The following HS6ST3 variants were observed in gnomAD, a reference collection of about 807,000 sequenced individuals.
HS6ST3 encodes the protein heparan sulfate 6-O-sulfotransferase 3, also known as heparan-sulfate 6-O-sulfotransferase 3.
A neutral mutation model predicts 36.7 loss-of-function variants in HS6ST3; 12 were observed. The ratio of observed to expected loss-of-function variants is 0.33; its 90% CI spans 0.21 to 0.53. HS6ST3 has a LOEUF of 0.53. Among genes scored for constraint, HS6ST3 ranks in the 20% least tolerant of loss-of-function variants. The pLI is 0.95. For missense variants in HS6ST3, 584 were observed against 640.9 expected (o/e 0.91, Z 0.96); for synonymous variants, 240 against 257.5 (o/e 0.93, Z 0.65).
rs533889518 is a variant in HS6ST3 at position 96,723,497 on chromosome 13, G to A, written c.708-108993G>A. Among the ~76,000 whole-genome samples the A allele has an allele frequency of 5.3e-5, 8 of 152,282 alleles. No individual in the cohort carries two copies. The South Asian group carries it at 1.0e-3, about 20-fold the overall frequency. On this transcript the variant is annotated intron_variant, in intron 1 of 1. Coordinates refer to ENST00000376705, the MANE Select transcript of HS6ST3 (RefSeq NM_153456.4). ...AAACAAAAGTCCATCTTGTTAAGCCGCTGTTATTTAGAGGTGTCCGGTGCC... is the reference window on the plus strand; with the variant it reads ...AAACAAAAGTCCATCTTGTTAAGCCACTGTTATTTAGAGGTGTCCGGTGCC...
intron 1 of HS6ST3, among the ~76,000 whole-genome samples, chr13:96,536,977 T>G (rs959154652): frequency 4.9e-4 from 74 of 152,208 alleles, no homozygotes; most frequent in African/African-American, 1.7e-3. Context: ...CTGCCTTGTG[T>G]AAGATGTAAG....
intron 1 of HS6ST3, among the ~76,000 whole-genome samples, chr13:96,826,895 A>T (rs1228349634): frequency 6.6e-6 from 1 of 152,198 alleles, no homozygotes; most frequent in East Asian, 1.9e-4. Context: ...TTCTCAGTAC[A>T]CAAGTGTTTG....
intron 1 of HS6ST3, among the ~76,000 whole-genome samples, chr13:96,631,940 A>G (rs970404136): frequency 1.8e-4 from 27 of 152,190 alleles, no homozygotes; most frequent in Non-Finnish European, 1.5e-5. Context: ...CTGGAAATCT[A>G]TGCAAGGGTG....
intron 1 of HS6ST3, among the ~76,000 whole-genome samples, chr13:96,548,847 A>G (rs2056207646): frequency 6.6e-6 from 1 of 152,202 alleles, no homozygotes; most frequent in Non-Finnish European, 1.5e-5. Flanking sequence ...AGAGAGGGCA[A>G]TCTGCCTTAC....
intron 1 of HS6ST3, among the ~76,000 whole-genome samples, chr13:96,577,989 T>A (rs2056328012): frequency 6.6e-6 from 1 of 152,122 alleles, no homozygotes. Flanking sequence ...TTTAAGAAAA[T>A]GAATAGAAGA....
chr13:96,227,713 T>A (rs900468694), intron 1 of HS6ST3, among the ~76,000 whole-genome samples: 1 of 152,260 alleles, frequency 6.6e-6, no homozygotes, highest in African/African-American at 2.4e-5. Flanking sequence ...TTTCAACTGC[T>A]GGAAACAAAG....
In HS6ST3 at chr13:96,810,170, C is replaced by G. The variant is rs184533402; in HGVS notation, c.708-22320C>G. Among the ~76,000 whole-genome samples the G allele has an allele frequency of 5.3e-5, 8 of 152,322 alleles. No individual in the cohort carries two copies. The East Asian group carries it at 1.5e-3, about 29-fold the overall frequency. ...CACCCCAGCCTCCCGGGCAGCCTGA[C>G]AGAACTAAGTACAGGGTAATCCTAC... On this transcript the variant is annotated intron_variant, in intron 1 of 1. Coordinates refer to ENST00000376705, the MANE Select transcript of HS6ST3 (RefSeq NM_153456.4).
intron 1 of HS6ST3, among the ~76,000 whole-genome samples, chr13:96,502,039 TTGTA>T (rs536785009): frequency 1.4e-4 from 22 of 152,208 alleles, no homozygotes; most frequent in Non-Finnish European, 2.8e-4. Flanking sequence ...TGTTAAGGCC[TTGTA>T]TGACAGGTAG....
chr13:96,140,841 G>C (rs1338060295), intron 1 of HS6ST3, among the ~76,000 whole-genome samples: 2 of 152,104 alleles, frequency 1.3e-5, no homozygotes, highest in South Asian at 2.1e-4. Flanking sequence ...AGATCATTAC[G>C]TGACAACTTA....
At chr13:96,828,881 A>T (rs192205283) in intron 1 of HS6ST3, among the ~76,000 whole-genome samples, 1 of 152,342 alleles carries the variant, frequency 6.6e-6, no homozygotes, top group Admixed American at 6.5e-5. Flanking sequence ...TCTAAATGGT[A>T]TAGGAAGTGA....
chr13:96,333,243 A>C (rs2055081665), intron 1 of HS6ST3, among the ~76,000 whole-genome samples: 1 of 152,208 alleles, frequency 6.6e-6, no homozygotes, highest in Non-Finnish European at 1.5e-5. Flanking sequence ...GAGAACCATA[A>C]CTGCATATTA....
intron 1 of HS6ST3, among the ~76,000 whole-genome samples, chr13:96,786,454 G>C (rs1877652149): frequency 6.6e-6 from 1 of 152,026 alleles, no homozygotes; most frequent in African/African-American, 2.4e-5. Flanking sequence ...TCTTTCCCCA[G>C]ACCCTGGCAT....
intron 1 of HS6ST3, among the ~76,000 whole-genome samples, chr13:96,677,546 A>G (rs1433510147): frequency 6.6e-6 from 1 of 152,138 alleles, no homozygotes; most frequent in Non-Finnish European, 1.5e-5. Context: ...GTGTGTGTGT[A>G]TATGGATGTT....
chr13:96,480,320 G>A (rs1398082957), intron 1 of HS6ST3, among the ~76,000 whole-genome samples: 5 of 151,998 alleles, frequency 3.3e-5, no homozygotes, highest in Non-Finnish European at 7.4e-5. Flanking sequence ...CACCATGTTG[G>A]CCAGGCTGGT....
intron 1 of HS6ST3, among the ~76,000 whole-genome samples, chr13:96,378,843 C>T (rs1351898827): frequency 6.6e-6 from 1 of 152,172 alleles, no homozygotes; most frequent in Non-Finnish European, 1.5e-5. Context: ...TATGGATTGG[C>T]AGTATCCCTG....
At chr13:96,139,170 G>A (rs928049622) in intron 1 of HS6ST3, among the ~76,000 whole-genome samples, 1 of 152,058 alleles carries the variant, frequency 6.6e-6, no homozygotes, top group Non-Finnish European at 1.5e-5. Context: ...TGATAAAGAA[G>A]CACCGTTTTT....
intron 1 of HS6ST3, among the ~76,000 whole-genome samples, chr13:96,417,925 G>A (rs532591677): frequency 6.6e-6 from 1 of 152,098 alleles, no homozygotes; most frequent in East Asian, 1.9e-4. Flanking sequence ...CTTGTTTTAT[G>A]TGTGTTTCTG....
intron 1 of HS6ST3, among the ~76,000 whole-genome samples, chr13:96,665,162 G>A (rs942416813): frequency 3.3e-5 from 5 of 151,988 alleles, no homozygotes; most frequent in Non-Finnish European, 7.4e-5. Context: ...TAGAGACCCT[G>A]TCTCAAAAAG....
intron 1 of HS6ST3, among the ~76,000 whole-genome samples, chr13:96,430,682 A>G (rs1040864373): frequency 1.3e-5 from 2 of 152,152 alleles, no homozygotes; most frequent in Non-Finnish European, 2.9e-5. Flanking sequence ...GCCCAGAGTA[A>G]GGGCTCCCCT....
Sources: gnomAD v4.1 joint callset for allele counts (sites outside exome capture counted in the v4.1 genomes callset) on GRCh38, gnomAD v4.1.1 for gene constraint, MANE v1.5 for transcripts, NCBI Gene and HGNC (gene_info 2026-07-23, HGNC 2026-07-21) for gene names.